PDZRN4: variants seen among roughly 807,000 people sequenced by gnomAD.
PDZRN4 encodes the protein PDZ domain-containing RING finger protein 4.
In PDZRN4, 70 loss-of-function variants were observed where a neutral mutation model predicts 99.0. That is an observed-to-expected ratio of 0.71 (90% CI 0.58 to 0.86). The LOEUF is 0.86. Among genes scored for constraint, PDZRN4 ranks in the 40% least tolerant of loss-of-function variants. The probability of loss-of-function intolerance (pLI) is 0.00; values close to 1 mark genes in which losing one functional copy is unlikely to be tolerated. For missense variants in PDZRN4, 1,474 were observed against 1,331.2 expected (o/e 1.11, Z -1.67); for synonymous variants, 551 against 501.6 (o/e 1.10, Z -1.32).
rs12230294 is a variant in PDZRN4 at position 41,332,207 on chromosome 12, G to A, written c.843+138019G>A. Among the ~76,000 whole-genome samples, 581 of 152,200 alleles carry A rather than the reference G, an allele frequency of 3.8e-3. 19 individuals are homozygous for A. In the East Asian group the frequency reaches 0.091, roughly 24 times the overall value. On this transcript the variant is annotated intron_variant, in intron 3 of 9. Coordinates refer to ENST00000402685, the MANE Select transcript of PDZRN4 (RefSeq NM_001164595.2). Reference sequence around the variant, plus strand: ...GAGCATTAAGACGGCAGATGGTTACGTTCACCTGGAATGTGTGTTTTTCAA... The same window carrying A: ...GAGCATTAAGACGGCAGATGGTTACATTCACCTGGAATGTGTGTTTTTCAA...
chr12:41,203,605 G>T (rs1380074254), intron 3 of PDZRN4, among the ~76,000 whole-genome samples: 1 of 151,944 alleles, frequency 6.6e-6, no homozygotes, highest in African/African-American at 2.4e-5. Context: ...TATGAGGTTG[G>T]TACTGTAGGT....
chr12:41,557,711 T>C (rs1939193274), intron 7 of PDZRN4, among the ~76,000 whole-genome samples: 1 of 152,052 alleles, frequency 6.6e-6, no homozygotes, highest in Admixed American at 6.6e-5. Context: ...GGACCTTCTG[T>C]TAAGGCTCCA....
In PDZRN4 at chr12:41,213,996, G is replaced by A. The variant is rs562057939; in HGVS notation, c.843+19808G>A. The stretch of plus-strand genomic sequence containing the variant: ...TATTTCAAAAAATTTAAAGCAATGC[G>A]TGGTACATAGCCACCTTCGTAAAAA... On this transcript the variant is annotated intron_variant, in intron 3 of 9. Transcript: ENST00000402685. 6.6e-5 allele frequency among the ~76,000 whole-genome samples: 10 copies of A among 152,048 alleles called. No individual in the cohort carries two copies. In the East Asian group the frequency reaches 7.8e-4, roughly 12 times the overall value.
intron 5 of PDZRN4, among the ~76,000 whole-genome samples, chr12:41,533,402 T>C (rs1283392902): frequency 6.6e-6 from 1 of 152,162 alleles, no homozygotes; most frequent in African/African-American, 2.4e-5. Flanking sequence ...CTTGAACTCC[T>C]GACCTTGTGA....
chr12:41,324,822 A>G (rs888903399), intron 3 of PDZRN4, among the ~76,000 whole-genome samples: 2 of 152,240 alleles, frequency 1.3e-5, no homozygotes, highest in African/African-American at 4.8e-5. Context: ...TACCTTATCA[A>G]TTTTTATATT....
intron 3 of PDZRN4, among the ~76,000 whole-genome samples, chr12:41,236,423 G>A (rs890438107): frequency 2.0e-5 from 3 of 152,064 alleles, no homozygotes; most frequent in Admixed American, 1.3e-4. Flanking sequence ...AAGGTGAGGC[G>A]GGAGGCTCAT....
chr12:41,557,199 C>T (rs1939184266), intron 7 of PDZRN4, among the ~76,000 whole-genome samples: 1 of 142,906 alleles, frequency 7.0e-6, no homozygotes, highest in African/African-American at 2.5e-5. Flanking sequence ...GACACACAAA[C>T]TCCCCAGCTC....
chr12:41,543,279 T>C (rs543962161), intron 5 of PDZRN4, among the ~76,000 whole-genome samples: 2 of 152,280 alleles, frequency 1.3e-5, no homozygotes, highest in African/African-American at 2.4e-5. Context: ...TAAATGACCA[T>C]TGGACTATAA....
chr12:41,369,001 A>G (rs1014517287), intron 3 of PDZRN4, among the ~76,000 whole-genome samples: 1 of 152,122 alleles, frequency 6.6e-6, no homozygotes, highest in Admixed American at 6.6e-5. Context: ...TAAATAAATC[A>G]CTTTTAAACT....
chr12:41,475,852 T>C (rs750842832), intron 3 of PDZRN4, among the ~76,000 whole-genome samples: 8 of 152,232 alleles, frequency 5.3e-5, no homozygotes, highest in Non-Finnish European at 7.3e-5. Context: ...TCCTCCCCTT[T>C]GTTTTCTTCT....
At chr12:41,304,776 A>G (rs779195798) in intron 3 of PDZRN4, among the ~76,000 whole-genome samples, 2 of 152,242 alleles carry the variant, frequency 1.3e-5, no homozygotes, top group Non-Finnish European at 1.5e-5. Context: ...GAATGCAACA[A>G]TAGAAGAATG....
chr12:41,561,973 T>C (rs1396382701), intron 7 of PDZRN4, among the ~76,000 whole-genome samples: 1 of 152,148 alleles, frequency 6.6e-6, no homozygotes, highest in Non-Finnish European at 1.5e-5. Flanking sequence ...TTGGAGTCAG[T>C]ACACACATAC....
chr12:41,381,077 T>C (rs1176315338), intron 3 of PDZRN4, among the ~76,000 whole-genome samples: 2 of 152,170 alleles, frequency 1.3e-5, no homozygotes, highest in Non-Finnish European at 1.5e-5. Flanking sequence ...TGCTGAGAAA[T>C]ACTCTAATAG....
intron 3 of PDZRN4, among the ~76,000 whole-genome samples, chr12:41,382,026 C>T (rs1006838701): frequency 6.6e-6 from 1 of 152,096 alleles, no homozygotes; most frequent in African/African-American, 2.4e-5. Flanking sequence ...CATAGTCAGG[C>T]AGGGCTGCTG....
intron 3 of PDZRN4, among the ~76,000 whole-genome samples, chr12:41,400,767 G>T (rs1051467124): frequency 4.6e-5 from 7 of 152,070 alleles, no homozygotes; most frequent in Admixed American, 1.3e-4. Context: ...AGTGCCTTTA[G>T]GAACAGATGT....
At position 41,498,036 on chromosome 12, in the gene PDZRN4, A is replaced by T. The variant is rs542020738; in HGVS notation, c.844-8420A>T. ...ATGAGAATAAAAAATAATGATTTTA[A>T]GTTCCAAGAATAGTATAAAAATTCT... On this transcript the variant is annotated intron_variant, in intron 3 of 9. Transcript: ENST00000402685. 7.2e-5 allele frequency among the ~76,000 whole-genome samples: 11 copies of T among 152,176 alleles called. No individual in the cohort carries two copies. The East Asian group carries it at 2.1e-3, about 29-fold the overall frequency.
chr12:41,407,244 A>G (rs1952356852), intron 3 of PDZRN4, among the ~76,000 whole-genome samples: 1 of 152,184 alleles, frequency 6.6e-6, no homozygotes, highest in Non-Finnish European at 1.5e-5. Context: ...TACTTTGGAT[A>G]ATGGAGTGGA....
At chr12:41,197,743 G>A (rs1040056403) in intron 3 of PDZRN4, among the ~76,000 whole-genome samples, 3 of 151,958 alleles carry the variant, frequency 2.0e-5, no homozygotes, top group African/African-American at 4.8e-5. Context: ...TGATCCTATC[G>A]AAGGTTGGGC....
At chr12:41,523,647 A>C (rs1442512714) in intron 5 of PDZRN4, among the ~76,000 whole-genome samples, 1 of 152,116 alleles carries the variant, frequency 6.6e-6, no homozygotes, top group Non-Finnish European at 1.5e-5. Flanking sequence ...AAGCAATAAA[A>C]ATTAAGAGAA....
Sources: allele counts gnomAD v4.1 joint callset (sites outside exome capture counted in the v4.1 genomes callset), GRCh38; gene constraint gnomAD v4.1.1; transcripts MANE v1.5; gene names NCBI Gene and HGNC (gene_info 2026-07-23, HGNC 2026-07-21).